The following SORCS1 variants were observed in gnomAD, a reference collection of about 807,000 sequenced individuals.
SORCS1 encodes the protein sortilin related VPS10 domain containing receptor 1, also known as VPS10 domain-containing receptor SorCS1.
In SORCS1, 60 loss-of-function variants were observed where a neutral mutation model predicts 146.1. The ratio of observed to expected loss-of-function variants is 0.41; its 90% CI spans 0.33 to 0.51. The LOEUF (loss-of-function observed/expected upper bound fraction) is 0.51. Among genes scored for constraint, SORCS1 ranks in the 20% least tolerant of loss-of-function variants. The pLI is 0.21. For synonymous variants in SORCS1, 637 were observed against 584.0 expected, an observed-to-expected ratio of 1.09 and a Z score of -1.31; for missense variants, 1,352 against 1,487.6, an observed-to-expected ratio of 0.91 and a Z score of 1.50.
At chr10:107,169,376 C>T (rs992473737), upstream of SORCS1, among the ~76,000 whole-genome samples, 1 of 152,150 alleles carries the variant, frequency 6.6e-6, no homozygotes, top group East Asian at 1.9e-4. Context: ...TTTTTAAAAT[C>T]TGTCCCTTAA....
At chr10:106,942,631 T>C (rs1053628087) in intron 2 of SORCS1, among the ~76,000 whole-genome samples, 3 of 152,148 alleles carry the variant, frequency 2.0e-5, no homozygotes, top group Non-Finnish European at 4.4e-5. Context: ...TTAACCCACA[T>C]GGCTCAGGAA....
At chr10:106,917,637 C>T (rs1358928754) in intron 2 of SORCS1, among the ~76,000 whole-genome samples, 2 of 152,180 alleles carry the variant, frequency 1.3e-5, no homozygotes, top group East Asian at 3.8e-4. Flanking sequence ...CCTGTTGTGA[C>T]AAGGAAAATG....
intron 5 of SORCS1, among the ~76,000 whole-genome samples, chr10:106,752,958 T>G (rs1055368838): frequency 6.6e-6 from 1 of 152,152 alleles, no homozygotes; most frequent in Admixed American, 6.5e-5. Flanking sequence ...AATGGTAAGA[T>G]ATTCCACTGC....
At chr10:106,809,460 C>T (rs1308636591) in intron 3 of SORCS1, among the ~76,000 whole-genome samples, 1 of 151,910 alleles carries the variant, frequency 6.6e-6, no homozygotes, top group Non-Finnish European at 1.5e-5. Flanking sequence ...CCCTGCTAGC[C>T]CTGTACAATT....
chr10:107,093,295 A>G (rs772807295), intron 1 of SORCS1, among the ~76,000 whole-genome samples: 4 of 152,154 alleles, frequency 2.6e-5, no homozygotes, highest in Non-Finnish European at 5.9e-5. Context: ...ACATGCTTCA[A>G]TGTCTGAAAT....
At chr10:106,916,366 C>T (rs1291499364) in intron 2 of SORCS1, among the ~76,000 whole-genome samples, 1 of 151,328 alleles carries the variant, frequency 6.6e-6, no homozygotes, top group Non-Finnish European at 1.5e-5. Flanking sequence ...TTCCATTATA[C>T]TATTGGCTAT....
chr10:107,114,839 T>C (rs1180014980), intron 1 of SORCS1, among the ~76,000 whole-genome samples: 3 of 152,078 alleles, frequency 2.0e-5, no homozygotes, highest in Non-Finnish European at 4.4e-5. Context: ...GTCATAATAT[T>C]ATATACAGAA....
Position 106,611,986 on chromosome 10 carries a change from G to A in SORCS1, c.2958C>T (p.Asn986=). ...GGATGTCCGGGTTGTAGTCATCCAG[G>A]TTTGGAGAAAAGGACAAGCGAAGAG... The part of the protein sequence containing the change: ...FRSLRLSFSP[N]LDDYNPDIPE... The change falls in exon 22 of 26, where the codon AAC becomes AAT. Residue 986 remains asparagine (N), a synonymous_variant. Transcript: ENST00000263054. 1.2e-6 allele frequency: 2 copies of A among 1,614,120 alleles called. No individual in the cohort carries two copies. Among genetic ancestry groups the A allele is most frequent in the Non-Finnish European group, 1.7e-6 (2 of 1,179,996 alleles).
At chr10:106,681,579 A>G (rs542061758) in intron 10 of SORCS1, among the ~76,000 whole-genome samples, 11 of 152,312 alleles carry the variant, frequency 7.2e-5, no homozygotes, top group Non-Finnish European at 1.3e-4. Context: ...GGGCTGGATT[A>G]TCAACCACAT....
chr10:106,989,271 G>GAAAAAAAAAAAAA (rs1161174866), intron 1 of SORCS1, among the ~76,000 whole-genome samples: 1 of 75,672 alleles, frequency 1.3e-5, no homozygotes, highest in Non-Finnish European at 2.3e-5. Flanking sequence ...CTCCACCTCA[G>GAAAAAAAAAAAAA]AAAAAAAAAA....
At chr10:107,107,247 G>A (rs1474308844) in intron 1 of SORCS1, among the ~76,000 whole-genome samples, 15 of 152,192 alleles carry the variant, frequency 9.9e-5, no homozygotes, top group Admixed American at 9.8e-4. Context: ...AAAAAAAGAA[G>A]AGATGCAGAG....
At chr10:107,061,888 A>C (rs1469290191) in intron 1 of SORCS1, among the ~76,000 whole-genome samples, 1 of 152,198 alleles carries the variant, frequency 6.6e-6, no homozygotes, top group Non-Finnish European at 1.5e-5. Flanking sequence ...TAAGTGAATA[A>C]TATATGTGAA....
rs1590175347 is a variant in SORCS1, at chr10:107,116,895, T to C, written c.558+47074A>G. Among the ~76,000 whole-genome samples, 3 of 152,220 alleles carry C rather than the reference T, an allele frequency of 2.0e-5. No homozygotes were observed. The South Asian group carries it at 6.2e-4, about 32-fold the overall frequency. On this transcript the variant is annotated intron_variant, in intron 1 of 25. Transcript: ENST00000263054. ...TCTTGCTATCAACAGATTTATTAAATGTCTTGGTTTAATTTTATTCCAAGA... is the reference window on the plus strand; with the variant it reads ...TCTTGCTATCAACAGATTTATTAAACGTCTTGGTTTAATTTTATTCCAAGA...
At chr10:106,703,003 T>C (rs1854242563) in intron 8 of SORCS1, among the ~76,000 whole-genome samples, 1 of 152,178 alleles carries the variant, frequency 6.6e-6, no homozygotes, top group Admixed American at 6.6e-5. Context: ...TTCTAAACCT[T>C]CAACACACCA....
intron 1 of SORCS1, among the ~76,000 whole-genome samples, chr10:107,159,181 G>A (rs1208201937): frequency 6.6e-6 from 1 of 152,082 alleles, no homozygotes; most frequent in African/African-American, 2.4e-5. Context: ...ATGAACTGAG[G>A]AAAAAGGAAG....
intron 24 of SORCS1, among the ~76,000 whole-genome samples, chr10:106,588,271 T>C (rs893945457): frequency 2.6e-5 from 4 of 152,218 alleles, no homozygotes; most frequent in African/African-American, 9.6e-5. Flanking sequence ...CCCTTCCTCA[T>C]TGTCATTTGC....
At chr10:107,152,141 C>A (rs1324364492) in intron 1 of SORCS1, among the ~76,000 whole-genome samples, 5 of 152,166 alleles carry the variant, frequency 3.3e-5, no homozygotes, top group Admixed American at 2.6e-4. Context: ...AGAGTGCAAA[C>A]CCTAAGCCTT....
chr10:107,159,013 G>C (rs184121363), intron 1 of SORCS1, among the ~76,000 whole-genome samples: 4 of 151,646 alleles, frequency 2.6e-5, no homozygotes, highest in African/African-American at 7.3e-5. Flanking sequence ...CATTTTTTTG[G>C]GGGGGAAGGG....
chr10:106,812,126 G>A (rs553729694), intron 3 of SORCS1, among the ~76,000 whole-genome samples: 3 of 151,826 alleles, frequency 2.0e-5, no homozygotes, highest in South Asian at 2.1e-4. Flanking sequence ...TCAGCCTCCC[G>A]AGTAGCTGGG....
Sources: allele counts gnomAD v4.1 joint callset (sites outside exome capture counted in the v4.1 genomes callset), GRCh38; gene constraint gnomAD v4.1.1; transcripts MANE v1.5; gene names NCBI Gene and HGNC (gene_info 2026-07-23, HGNC 2026-07-21).